Variants in BSN observed in about 807,000 individuals in gnomAD.
BSN encodes the protein protein bassoon.
Under a neutral mutation model 264.8 loss-of-function variants are expected in BSN, and 57 were observed. The ratio of observed to expected loss-of-function variants is 0.22; its 90% confidence interval spans 0.17 to 0.27. The LOEUF (loss-of-function observed/expected upper bound fraction) is 0.27. BSN is among the 10% of genes least tolerant of loss of function. The probability of loss-of-function intolerance (pLI) is 1.00; values close to 1 mark genes in which losing one functional copy is unlikely to be tolerated. For synonymous variants in BSN, 2,059 were observed against 2,137.3 expected, an observed-to-expected ratio of 0.96 and a Z score of 1.01; for missense variants, 4,615 against 5,232.5, an observed-to-expected ratio of 0.88 and a Z score of 3.64.
chr3:49,650,920 G>T lies in BSN; in HGVS notation c.1827G>T (p.Lys609Asn), dbSNP rs751119998. 19 of 1,614,160 alleles carry T rather than the reference G, an allele frequency of 1.2e-5. No homozygotes were observed. Among genetic ancestry groups the T allele is most frequent in the Non-Finnish European group, 1.4e-5 (16 of 1,180,034 alleles). ...CCCCAAGCAGTGTCCAGGAAAAGAA[G>T]ACCCGAGTCCCCACTAAAGCTGAGC... ...SKTPSSVQEK[K>N]TRVPTKAEPM... Residue 609 changes from lysine to asparagine, a missense_variant, in exon 4 of 12, where the codon AAG (lysine) becomes AAT (asparagine). Physicochemically the swap from Lys to Asn is moderately conservative, Grantham distance 94 (BLOSUM62 0). Transcript: ENST00000296452.
At chr3:49,624,929 C>T (rs1405745837) in intron 1 of BSN, 46 bp from the exon 2 acceptor site, 2 of 1,467,884 alleles carry the variant, frequency 1.4e-6, no homozygotes, top group African/African-American at 1.4e-5. Flanking sequence ...CCGCAAGCTG[C>T]TTCTCTAAGC....
At position 49,662,101 on chromosome 3, in the gene BSN, A is replaced by T. The variant is rs753813162; in HGVS notation, c.10256A>T (p.Gln3419Leu). ...GGGCTCAAGAAGAACGTGTATGAGC[A>T]GCAAAAATACTATGGGATGTCCAGC... is the stretch of plus-strand genomic sequence containing the variant. ...TYGLKKNVYE[Q>L]QKYYGMSSRD... is the part of the protein sequence containing the mutation. The change falls in exon 6 of 12, where the codon CAG (glutamine) becomes CTG (leucine). Residue 3419 changes from glutamine to leucine, a missense_variant. Gln to Leu is a moderately radical substitution (Grantham distance 113). Coordinates refer to ENST00000296452, the MANE Select transcript of BSN (RefSeq NM_003458.4). 6.2e-7 allele frequency: 1 copy of T among 1,613,534 alleles called. No homozygotes were observed. Among genetic ancestry groups the T allele is most frequent in the Non-Finnish European group, 8.5e-7 (1 of 1,180,042 alleles).
intron 2 of BSN, chr3:49,640,540 C>G (rs1575444760): frequency 6.6e-6 from 1 of 152,056 alleles, no homozygotes; most frequent in African/African-American, 2.4e-5. Context: ...ACTCTGTTGC[C>G]CAGGCTGGAG....
chr3:49,563,286 T>C (rs1379574068), intron 1 of BSN, among the ~76,000 whole-genome samples: 1 of 152,144 alleles, frequency 6.6e-6, no homozygotes, highest in East Asian at 1.9e-4. Flanking sequence ...CTCCTTGTGC[T>C]GGGTTGGTTG....
At chr3:49,659,250 C>T (rs2052634375) in intron 5 of BSN, among the ~76,000 whole-genome samples, 1 of 152,004 alleles carries the variant, frequency 6.6e-6, no homozygotes, top group African/African-American at 2.4e-5. Context: ...GGACTCTAGG[C>T]TGGCAGGGAG....
At chr3:49,598,333 A>G (rs925041912) in intron 1 of BSN, among the ~76,000 whole-genome samples, 2 of 152,220 alleles carry the variant, frequency 1.3e-5, no homozygotes, top group Non-Finnish European at 2.9e-5. Flanking sequence ...GATGTGACTA[A>G]ACTGACTCTA....
At chr3:49,600,136 G>A (rs1374985407) in intron 1 of BSN, among the ~76,000 whole-genome samples, 1 of 152,186 alleles carries the variant, frequency 6.6e-6, no homozygotes, top group East Asian at 1.9e-4. Flanking sequence ...TGATTCCCAC[G>A]ACAATGCTGT....
chr3:49,603,416 T>C (rs1461334904), intron 1 of BSN, among the ~76,000 whole-genome samples: 5 of 152,194 alleles, frequency 3.3e-5, no homozygotes, highest in African/African-American at 1.2e-4. Flanking sequence ...TTAGGGTGTA[T>C]CTTAGGAGTT....
Position 49,654,317 on chromosome 3 carries a change from C to T in BSN, c.4761C>T (p.Thr1587=), listed in dbSNP as rs1363071396. ...CCCCGCTCTGCTCACCTACTGAAAC[C>T]CAGCCCACCACCCATGGCTACAGCC... ...STSPLCSPTE[T]QPTTHGYSQT... The change falls in exon 5 of 12, where the codon ACC becomes ACT. Residue 1587 remains threonine, a synonymous_variant. Coordinates refer to ENST00000296452, the MANE Select transcript of BSN (RefSeq NM_003458.4). The surrounding 1 kb of genome is among the most constrained non-coding windows in gnomAD (Gnocchi z 4.1). 6.2e-7 allele frequency: 1 copy of T among 1,613,604 alleles called. No homozygotes were observed. Among genetic ancestry groups the T allele is most frequent in the Non-Finnish European group, 8.5e-7 (1 of 1,179,952 alleles).
Position 49,663,645 on chromosome 3 carries a change from A to G in BSN, c.11487A>G (p.Thr3829=). 6.2e-7 allele frequency: 1 copy of G among 1,606,636 alleles called. No individual in the cohort carries two copies. The highest frequency in any genetic ancestry group is 1.3e-5 in the African/African-American group (1 of 74,930). Residue 3829 remains threonine (T), a synonymous_variant, in exon 7 of 12, where the codon ACA becomes ACG. Coordinates refer to ENST00000296452, the MANE Select transcript of BSN (RefSeq NM_003458.4). ...GKPQPGPSTA[T]GPQPAGPPRA... is the part of the protein sequence containing the mutation. The stretch of plus-strand genomic sequence containing the variant: ...CTCAGCCAGGCCCCAGCACAGCCAC[A>G]GGTCCTCAACCAGCAGGACCGGTAA...
At chr3:49,620,673 T>C (rs2052298545) in intron 1 of BSN, among the ~76,000 whole-genome samples, 1 of 151,868 alleles carries the variant, frequency 6.6e-6, no homozygotes, top group African/African-American at 2.4e-5. Flanking sequence ...AGCAGAGAAG[T>C]GGCCTGACTT....
At position 49,650,726 on chromosome 3, in the gene BSN, C is replaced by T. The variant is rs758736145; in HGVS notation, c.1633C>T (p.His545Tyr). 2 of 1,613,468 alleles carry T rather than the reference C, an allele frequency of 1.2e-6. No homozygotes were observed. Among genetic ancestry groups the T allele is most frequent in the Admixed American group, 1.7e-5 (1 of 59,998 alleles). ...ACAGCAGCCCCCTGTAGGGGCCCCT[C>T]ACCGTGCATCTGGAACATCCCCTCT... ...TSQQPPVGAPHRASGTSPLKQ... is the reference protein window; with the variant it reads ...TSQQPPVGAPYRASGTSPLKQ... Residue 545 changes from histidine to tyrosine, a missense_variant, in exon 4 of 12, where the codon CAC becomes TAC. This residue lies in a region of BSN where 1,197 missense variants were observed against 1,348.0 expected (regional missense o/e 0.89). Transcript: ENST00000296452.
chr3:49,664,041 A>T (rs1168088257), intron 8 of BSN, among the ~76,000 whole-genome samples, 155 bp downstream of exon 8: 1 of 152,156 alleles, frequency 6.6e-6, no homozygotes, highest in Non-Finnish European at 1.5e-5. Flanking sequence ...GCAGAAAACA[A>T]GCCTGGGGTT....
At chr3:49,573,657 G>GT (rs965564780) in intron 1 of BSN, among the ~76,000 whole-genome samples, 3,060 of 141,838 alleles carry the variant, frequency 0.022, 133 homozygotes, top group African/African-American at 0.072. Context: ...TTTCTCTCTG[G>GT]TTTTTTTTTT....
intron 2 of BSN, among the ~76,000 whole-genome samples, chr3:49,639,866 C>T (rs1274462866): frequency 6.6e-6 from 1 of 152,242 alleles, no homozygotes; most frequent in Non-Finnish European, 1.5e-5. Context: ...TGCCTGTGAA[C>T]ATGCCCTATG....
intron 1 of BSN, among the ~76,000 whole-genome samples, chr3:49,620,410 G>T (rs960060535): frequency 1.3e-5 from 2 of 150,248 alleles, no homozygotes; most frequent in African/African-American, 4.9e-5. Context: ...GGGCGACAGA[G>T]TGAGACTCCG....
At chr3:49,566,464 G>C (rs1334863979) in intron 1 of BSN, among the ~76,000 whole-genome samples, 1 of 152,138 alleles carries the variant, frequency 6.6e-6, no homozygotes, top group African/African-American at 2.4e-5. Flanking sequence ...CAGTATGTCT[G>C]TCTCCTTGAC....
At chr3:49,623,712 AG>A (rs1455752897) in intron 1 of BSN, among the ~76,000 whole-genome samples, 1 of 152,230 alleles carries the variant, frequency 6.6e-6, no homozygotes, top group Non-Finnish European at 1.5e-5. Flanking sequence ...GGCTACCAGA[AG>A]GAAGGCTCCT....
chr3:49,605,837 A>T (rs2052129302), intron 1 of BSN, among the ~76,000 whole-genome samples: 1 of 67,472 alleles, frequency 1.5e-5, no homozygotes, highest in Non-Finnish European at 2.6e-5. Context: ...ATAGATATAA[A>T]TATATATATT....
Sources: allele counts gnomAD v4.1 joint callset (sites outside exome capture counted in the v4.1 genomes callset), GRCh38; gene constraint gnomAD v4.1.1; regional missense constraint gnomAD v4.1.1; non-coding constraint Gnocchi (gnomAD v3.1); transcripts MANE v1.5; gene names NCBI Gene and HGNC (gene_info 2026-07-23, HGNC 2026-07-21).